Variants in MTERF4 observed in about 807,000 individuals in gnomAD.
The protein encoded by MTERF4 is transcription termination factor 4, mitochondrial.
MTERF4 carries 17 observed loss-of-function variants against 22.5 expected under a neutral mutation model. That is an observed-to-expected ratio of 0.75 (90% CI 0.52 to 1.13). The LOEUF is 1.13. Ranked by LOEUF, MTERF4 falls within the 50% of genes most tolerant of loss-of-function variation. The probability of loss-of-function intolerance (pLI) is 0.00; values close to 1 mark genes in which losing one functional copy is unlikely to be tolerated. For missense variants in MTERF4, 420 were observed against 466.8 expected (o/e 0.90, Z 0.92); for synonymous variants, 165 against 175.3 (o/e 0.94, Z 0.47).
downstream of MTERF4, chr2:241,094,500 CA>C (rs2064258891): frequency 2.3e-6 from 1 of 443,766 alleles, no homozygotes; most frequent in Non-Finnish European, 4.7e-6. The surrounding 1 kb of genome is among the most constrained non-coding windows in gnomAD (Gnocchi z 4.3). Context: ...TCACACCTAC[CA>C]GGGGTATTCC....
At chr2:241,057,829 GAAGT>G in the MTERF4 span, among the ~76,000 whole-genome samples, 1 of 152,134 alleles carries the variant, frequency 6.6e-6, no homozygotes, top group Non-Finnish European at 1.5e-5. Flanking sequence ...TTTTCTGAAA[GAAGT>G]AAGATAATAA....
chr2:241,054,279 C>T, the MTERF4 span, among the ~76,000 whole-genome samples: 3 of 152,146 alleles, frequency 2.0e-5, no homozygotes, highest in Non-Finnish European at 4.4e-5. Flanking sequence ...CTGAAAAGTA[C>T]GATTGCCTCA....
downstream of MTERF4, chr2:241,092,853 T>C (rs923686679): frequency 2.6e-5 from 4 of 152,312 alleles, no homozygotes; most frequent in Admixed American, 6.5e-5. The surrounding 1 kb of genome is among the most constrained non-coding windows in gnomAD (Gnocchi z 4.6). Flanking sequence ...CCTGCTAATG[T>C]TACAACCAAA....
the MTERF4 span, chr2:241,065,531 A>G: frequency 6.2e-7 from 1 of 1,612,894 alleles, no homozygotes; most frequent in East Asian, 2.2e-5. Context: ...CCGTCTTCTC[A>G]GTGAAGCGAA....
the MTERF4 span, among the ~76,000 whole-genome samples, chr2:241,047,864 T>G: frequency 6.6e-6 from 1 of 151,976 alleles, no homozygotes; most frequent in African/African-American, 2.4e-5. Context: ...CCGGGTGGCT[T>G]CTCTGGTGCT....
chr2:241,048,878 A>AC, the MTERF4 span: 7 of 1,184,204 alleles, frequency 5.9e-6, no homozygotes, highest in Non-Finnish European at 8.5e-6. Context: ...CATTGGTTCT[A>AC]CCCCCACCCA....
At chr2:241,076,887 C>G (rs992970159) in intron 4 of MTERF4, among the ~76,000 whole-genome samples, 2 of 152,088 alleles carry the variant, frequency 1.3e-5, no homozygotes, top group African/African-American at 4.8e-5. Flanking sequence ...GTCAGGAGAT[C>G]GAGACCATGG....
In MTERF4 at chr2:241,099,898, TA is replaced by T. The variant is rs1229056037; in HGVS notation, c.22-5del. 2 of 1,609,932 alleles carry T rather than the reference TA, an allele frequency of 1.2e-6. No individual in the cohort carries two copies. The highest frequency in any genetic ancestry group is 1.7e-6 in the Non-Finnish European group (2 of 1,179,834). On this transcript the variant is annotated splice_polypyrimidine_tract_variant and splice_region_variant and intron_variant, in intron 1 of 3. Coordinates refer to ENST00000391980, the MANE Select transcript of MTERF4 (RefSeq NM_182501.4). ...TCAGGCGGTGCCAATCAAGGACCTG[TA>T]AGACACAGGACCAAAAGACAATTAA...
At chr2:241,068,593 C>T (rs922380206), downstream of MTERF4, among the ~76,000 whole-genome samples, 4 of 152,002 alleles carry the variant, frequency 2.6e-5, no homozygotes, top group Non-Finnish European at 5.9e-5. The surrounding 1 kb of genome is among the most constrained non-coding windows in gnomAD (Gnocchi z 5.3). Flanking sequence ...GCTGAGGGCC[C>T]GTCCCCCATC....
the MTERF4 span, chr2:241,048,362 G>C: frequency 3.7e-6 from 6 of 1,611,494 alleles, no homozygotes; most frequent in Non-Finnish European, 4.2e-6. Context: ...TTGCCACAAT[G>C]GGGGCACCTG....
downstream of MTERF4, among the ~76,000 whole-genome samples, chr2:241,082,862 G>A (rs556310251): frequency 6.6e-6 from 1 of 152,328 alleles, no homozygotes; most frequent in Admixed American, 6.5e-5. Flanking sequence ...CTATGACTCT[G>A]TCGGTCACAC....
chr2:241,078,249 G>A (rs2063133380), intron 4 of MTERF4, among the ~76,000 whole-genome samples: 1 of 151,644 alleles, frequency 6.6e-6, no homozygotes, highest in Non-Finnish European at 1.5e-5. Flanking sequence ...TGGGCGTGGT[G>A]GCGGGCGCCT....
At chr2:241,079,874 T>G (rs1351615927) in intron 4 of MTERF4, among the ~76,000 whole-genome samples, 1 of 152,210 alleles carries the variant, frequency 6.6e-6, no homozygotes, top group Non-Finnish European at 1.5e-5. Flanking sequence ...TAGTAATACC[T>G]GAATTGTTAT....
downstream of MTERF4, chr2:241,089,502 T>C: frequency 7.0e-7 from 1 of 1,432,554 alleles, no homozygotes; most frequent in Non-Finnish European, 9.4e-7. Flanking sequence ...GGGCCGGAGC[T>C]CCGCACATGG....
At chr2:241,065,312 G>A in the MTERF4 span, 204 of 1,612,722 alleles carry the variant, frequency 1.3e-4, no homozygotes, top group East Asian at 2.9e-3. Context: ...TCTTCCCACC[G>A]ACGGCCCTCA....
intron 1 of MTERF4, among the ~76,000 whole-genome samples, chr2:241,100,752 G>A (rs1465654838): frequency 6.6e-6 from 1 of 152,158 alleles, no homozygotes; most frequent in Admixed American, 6.5e-5. Flanking sequence ...TGTGTTAACT[G>A]TTTATGTTGT....
intron 2 of MTERF4, 175 bp downstream of exon 2, chr2:241,099,221 C>T (rs780343048): frequency 1.7e-5 from 11 of 656,236 alleles, no homozygotes; most frequent in Admixed American, 3.1e-5. Context: ...ATTACAGGTG[C>T]GTGCCACCAA....
rs2064420078 is a variant in MTERF4, at chr2:241,096,335, C to T, written c.809G>A (p.Arg270His). 16 of 1,614,020 alleles carry T rather than the reference C, an allele frequency of 9.9e-6. No individual in the cohort carries two copies. The highest frequency in any genetic ancestry group is 1.4e-5 in the Non-Finnish European group (16 of 1,180,040). The change falls in exon 4 of 4, where the codon CGC becomes CAC. Residue 270 changes from arginine (R) to histidine (H), a missense_variant. Coordinates refer to ENST00000391980, the MANE Select transcript of MTERF4 (RefSeq NM_182501.4). This position sits in a 1 kb window ranked among gnomAD's most constrained non-coding sequence, Gnocchi z 5.1. ...ATCAGGGGTTTGGTACCGTCCCAGG[C>T]GCTCCAGGTAAATGTGTCTCTGCTT... ...KIKQRHIYLE[R>H]LGRYQTPDKK...
chr2:241,083,935 T>G (rs1255936484), downstream of MTERF4, among the ~76,000 whole-genome samples: 2 of 152,158 alleles, frequency 1.3e-5, no homozygotes, highest in Non-Finnish European at 2.9e-5. Flanking sequence ...ACCTGCTTTT[T>G]GTTCCTTTTT....
Sources: gnomAD v4.1 joint callset for allele counts (sites outside exome capture counted in the v4.1 genomes callset) on GRCh38, gnomAD v4.1.1 for gene constraint, Gnocchi (gnomAD v3.1) non-coding constraint, MANE v1.5 for transcripts, NCBI Gene and HGNC (gene_info 2026-07-23, HGNC 2026-07-21) for gene names.